Variants in PRKD1 observed in about 807,000 individuals in gnomAD.
The protein encoded by PRKD1 is protein kinase D1.
PRKD1 carries 63 observed loss-of-function variants against 95.9 expected under a neutral mutation model. That is an observed-to-expected ratio of 0.66 (90% CI 0.54 to 0.81). The LOEUF (loss-of-function observed/expected upper bound fraction) is 0.81. Ranked by LOEUF, PRKD1 falls within the 30% of genes least tolerant of loss-of-function variation. The probability of loss-of-function intolerance (pLI) is 0.00; values close to 1 mark genes in which losing one functional copy is unlikely to be tolerated. For synonymous variants in PRKD1, 425 were observed against 423.1 expected (o/e 1.00, Z -0.05); for missense variants, 1,048 against 1,165.3 (o/e 0.90, Z 1.47).
chr14:29,614,958 C>T (rs771467240), intron 13 of PRKD1, among the ~76,000 whole-genome samples: 18 of 151,364 alleles, frequency 1.2e-4, no homozygotes, highest in East Asian at 7.8e-4. Context: ...GCAGTCTGCC[C>T]GCCTCGGCCT....
intron 1 of PRKD1, among the ~76,000 whole-genome samples, chr14:29,825,057 T>C (rs1385965437): frequency 6.6e-6 from 1 of 152,066 alleles, no homozygotes; most frequent in African/African-American, 2.4e-5. Flanking sequence ...TTTTATTGGG[T>C]ATAAAAATTT....
chr14:29,911,981 TATTTA>T (rs991322510), intron 1 of PRKD1, among the ~76,000 whole-genome samples: 4 of 152,186 alleles, frequency 2.6e-5, no homozygotes, highest in African/African-American at 9.6e-5. Flanking sequence ...TCTTACAGCC[TATTTA>T]ATTCCTTGGC....
intron 1 of PRKD1, among the ~76,000 whole-genome samples, chr14:29,810,192 G>A (rs1375792304): frequency 6.6e-6 from 1 of 152,046 alleles, no homozygotes; most frequent in East Asian, 1.9e-4. Flanking sequence ...TATAATAAAA[G>A]TTTGAAAAAT....
At chr14:29,730,344 C>G (rs2139407046) in intron 1 of PRKD1, among the ~76,000 whole-genome samples, 1 of 151,984 alleles carries the variant, frequency 6.6e-6, no homozygotes, top group Admixed American at 6.5e-5. Flanking sequence ...AAAATGGCTA[C>G]TATAAAAACA....
intron 1 of PRKD1, among the ~76,000 whole-genome samples, chr14:29,776,202 G>A (rs1180690124): frequency 1.3e-5 from 2 of 152,192 alleles, no homozygotes; most frequent in African/African-American, 2.4e-5. Context: ...GGATAAACCA[G>A]AGCAGAAAAG....
At chr14:29,627,902 C>T (rs1046904618) in intron 11 of PRKD1, among the ~76,000 whole-genome samples, 8 of 152,192 alleles carry the variant, frequency 5.3e-5, no homozygotes, top group Admixed American at 5.2e-4. Flanking sequence ...TTTCAAGCTA[C>T]TTCATCTGTT....
intron 1 of PRKD1, among the ~76,000 whole-genome samples, chr14:29,773,005 G>C (rs541026057): frequency 6.6e-6 from 1 of 152,140 alleles, no homozygotes; most frequent in East Asian, 1.9e-4. Context: ...TTGGCACTCG[G>C]TGACTTAAGA....
chr14:29,862,922 C>A (rs1234293156), intron 1 of PRKD1, among the ~76,000 whole-genome samples: 1 of 152,130 alleles, frequency 6.6e-6, no homozygotes, highest in Non-Finnish European at 1.5e-5. Flanking sequence ...GGGTATTACT[C>A]AATAAATCTT....
intron 14 of PRKD1, 32 bp from the exon 15 acceptor site, chr14:29,599,157 A>T: frequency 6.4e-7 from 1 of 1,570,092 alleles, no homozygotes; most frequent in Non-Finnish European, 8.8e-7. Flanking sequence ...ATTTCATTCC[A>T]GTTTATTAAT....
At chr14:29,605,015 T>C (rs1043133339) in intron 13 of PRKD1, among the ~76,000 whole-genome samples, 89 of 152,276 alleles carry the variant, frequency 5.8e-4, no homozygotes, top group African/African-American at 2.0e-3. Flanking sequence ...AACTTCTCTT[T>C]CACTTCCAAC....
At chr14:29,672,755 G>C (rs530463568) in intron 2 of PRKD1, among the ~76,000 whole-genome samples, 1 of 152,134 alleles carries the variant, frequency 6.6e-6, no homozygotes, top group Admixed American at 6.5e-5. Flanking sequence ...ATAACTCCAG[G>C]TATATAGAAC....
intron 4 of PRKD1, among the ~76,000 whole-genome samples, chr14:29,657,074 T>C (rs909330502): frequency 1.1e-4 from 17 of 152,184 alleles, no homozygotes; most frequent in African/African-American, 3.1e-4. Context: ...ATGCCTACAA[T>C]GTATTCTTTG....
At chr14:29,727,513 T>A (rs1480655628) in intron 1 of PRKD1, among the ~76,000 whole-genome samples, 2 of 151,472 alleles carry the variant, frequency 1.3e-5, no homozygotes, top group Non-Finnish European at 2.9e-5. Flanking sequence ...TCTTCTAGGG[T>A]TTTTATGGTT....
chr14:29,899,724 T>A (rs533804536), intron 1 of PRKD1, among the ~76,000 whole-genome samples: 36 of 152,348 alleles, frequency 2.4e-4, no homozygotes, highest in African/African-American at 8.7e-4. Context: ...CTCAGTAATG[T>A]TATTAATGAA....
rs547291727 is a variant in PRKD1 at position 29,683,464 on chromosome 14, T to C, written c.404-17256A>G. ...AAAAAGTCCAGCAGATGGCTAAAAA[T>C]GTAATTCAGGACAGAGGTTAGGGGA... On this transcript the variant is annotated intron_variant, in intron 2 of 17. Transcript: ENST00000331968. 2.0e-5 allele frequency among the ~76,000 whole-genome samples: 3 copies of C among 152,190 alleles called. No homozygotes were observed. In the South Asian group the frequency reaches 6.2e-4, roughly 32 times the overall value.
chr14:29,657,963 C>G (rs1881983346), intron 4 of PRKD1: 1 of 152,156 alleles, frequency 6.6e-6, no homozygotes, highest in African/African-American at 2.4e-5. Flanking sequence ...AGGGCAACAA[C>G]CACTCATTTG....
chr14:29,598,525 A>T (rs184487562), intron 15 of PRKD1, among the ~76,000 whole-genome samples: 73 of 152,274 alleles, frequency 4.8e-4, no homozygotes, highest in African/African-American at 1.7e-3. Flanking sequence ...TGTCATCCAC[A>T]ATAATCCTCA....
intron 13 of PRKD1, among the ~76,000 whole-genome samples, chr14:29,615,336 T>C (rs1393478477): frequency 6.6e-6 from 1 of 152,214 alleles, no homozygotes; most frequent in East Asian, 1.9e-4. Flanking sequence ...AAAATAGTGC[T>C]AGATACCAAC....
chr14:29,594,228 T>A (rs1358436965), intron 16 of PRKD1: 2 of 413,138 alleles, frequency 4.8e-6, no homozygotes, highest in African/African-American at 2.1e-5. Flanking sequence ...CATCTATGCA[T>A]GTTATTAAGA....
Sources: allele counts gnomAD v4.1 joint callset (sites outside exome capture counted in the v4.1 genomes callset), GRCh38; gene constraint gnomAD v4.1.1; transcripts MANE v1.5; gene names NCBI Gene and HGNC (gene_info 2026-07-23, HGNC 2026-07-21).